The following HDAC4 variants were observed in gnomAD, a reference collection of about 807,000 sequenced individuals.
HDAC4 encodes histone deacetylase 4.
Under a neutral mutation model 135.1 loss-of-function variants are expected in HDAC4, and 16 were observed. That is an observed-to-expected ratio of 0.12 (90% confidence interval 0.08 to 0.18). The LOEUF (loss-of-function observed/expected upper bound fraction) is 0.18, where lower values mean the gene tolerates loss of function less well. Among genes scored for constraint, HDAC4 ranks in the 10% least tolerant of loss-of-function variants. The pLI is 1.00. For synonymous variants in HDAC4, 685 were observed against 653.4 expected, an observed-to-expected ratio of 1.05 and a Z score of -0.74; for missense variants, 1,143 against 1,511.8, an observed-to-expected ratio of 0.76 and a Z score of 4.05.
intron 17 of HDAC4, chr2:239,094,139 C>T (rs751713485): frequency 7.5e-5 from 74 of 985,354 alleles, no homozygotes; most frequent in Non-Finnish European, 8.7e-5. Context: ...CCCGTCCTCC[C>T]TGCCTGTAAC....
intron 7 of HDAC4, among the ~76,000 whole-genome samples, chr2:239,152,778 G>A (rs1013097566): frequency 3.3e-5 from 5 of 152,210 alleles, no homozygotes; most frequent in Non-Finnish European, 4.4e-5. Context: ...GAGGCAAGGA[G>A]GTGGGGGGAT....
At chr2:239,185,656 G>A (rs1454520075) in intron 4 of HDAC4, among the ~76,000 whole-genome samples, 2 of 152,110 alleles carry the variant, frequency 1.3e-5, no homozygotes, top group South Asian at 2.1e-4. Flanking sequence ...CCATGGCTTC[G>A]TGGCCTGTCC....
At chr2:239,324,870 C>T (rs1318149875) in intron 2 of HDAC4, among the ~76,000 whole-genome samples, 5 of 152,194 alleles carry the variant, frequency 3.3e-5, no homozygotes, top group African/African-American at 7.2e-5. Context: ...TTAGGAAGAG[C>T]AGAGTCTACA....
intron 1 of HDAC4, among the ~76,000 whole-genome samples, chr2:239,355,906 CAT>C (rs1308468628): frequency 6.6e-6 from 1 of 152,228 alleles, no homozygotes; most frequent in African/African-American, 2.4e-5. Context: ...TTTCACCTAA[CAT>C]AGTGCTGACA....
At chr2:239,236,532 C>T (rs908278111) in intron 3 of HDAC4, 61 bp downstream of exon 3, 3 of 1,346,064 alleles carry the variant, frequency 2.2e-6, no homozygotes, top group Admixed American at 2.0e-5. Context: ...GGCAGAGCGT[C>T]TGAACACCTC....
chr2:239,199,377 C>G (rs1020455755), intron 3 of HDAC4, among the ~76,000 whole-genome samples: 10 of 152,160 alleles, frequency 6.6e-5, no homozygotes, highest in Admixed American at 5.9e-4. Context: ...CAGAGCTCTT[C>G]GAGTCCCATC....
At chr2:239,201,249 G>A (rs910778201) in intron 3 of HDAC4, among the ~76,000 whole-genome samples, 10 of 152,040 alleles carry the variant, frequency 6.6e-5, no homozygotes, top group African/African-American at 2.4e-4. Flanking sequence ...CTGAAGGAGT[G>A]TTATGGGGAG....
Position 239,170,436 on chromosome 2 carries a change from T to C in HDAC4, c.490+5977A>G, listed in dbSNP as rs78084893. On this transcript the variant is annotated intron_variant, in intron 5 of 26. Coordinates refer to ENST00000543185, the MANE Select transcript of HDAC4 (RefSeq NM_001378414.1). ...GTCCTATTTGGAAAAACTTCAAATCTAGTGCAGATTAATTAAAAGCAAAAT... is the reference window on the plus strand; with the variant it reads ...GTCCTATTTGGAAAAACTTCAAATCCAGTGCAGATTAATTAAAAGCAAAAT... 1.1e-4 allele frequency among the ~76,000 whole-genome samples: 16 copies of C among 152,338 alleles called. No homozygotes were observed. In the East Asian group the frequency reaches 3.1e-3, roughly 29 times the overall value.
At chr2:239,372,046 C>A (rs1485289237) in intron 1 of HDAC4, among the ~76,000 whole-genome samples, 1 of 152,214 alleles carries the variant, frequency 6.6e-6, no homozygotes, top group Non-Finnish European at 1.5e-5. Flanking sequence ...CGGCCAGAGG[C>A]ATCCTCAAGG....
At chr2:239,113,827 CTT>C (rs1338991582) in intron 13 of HDAC4, among the ~76,000 whole-genome samples, 6 of 152,126 alleles carry the variant, frequency 3.9e-5, no homozygotes, top group Admixed American at 6.5e-5. Flanking sequence ...AGGCCCGGGG[CTT>C]TCTCTCTCTG....
At chr2:239,124,686 G>GACATTCTGGTGTGCCGGCGTGTGGCCGCA (rs2040003141) in intron 12 of HDAC4, among the ~76,000 whole-genome samples, 1 of 132,832 alleles carries the variant, frequency 7.5e-6, no homozygotes, top group Non-Finnish European at 1.7e-5. Context: ...GTGTGGCCGC[G>GACATTCTGGTGTGCCGGCGTGTGGCCGCA]TTATATGACA....
intron 1 of HDAC4, among the ~76,000 whole-genome samples, chr2:239,353,259 C>A (rs559394777): frequency 7.2e-5 from 11 of 152,308 alleles, no homozygotes; most frequent in Admixed American, 7.2e-4. Flanking sequence ...AAGTGATCCA[C>A]CCACCTCAGC....
intron 11 of HDAC4, among the ~76,000 whole-genome samples, chr2:239,130,141 C>T (rs987530802): frequency 6.6e-6 from 1 of 152,198 alleles, no homozygotes; most frequent in African/African-American, 2.4e-5. Flanking sequence ...ATCCAACTCA[C>T]AGTTTGCAAT....
intron 1 of HDAC4, among the ~76,000 whole-genome samples, chr2:239,387,721 C>T (rs1435072200): frequency 6.6e-6 from 1 of 152,184 alleles, no homozygotes; most frequent in African/African-American, 2.4e-5. Context: ...GGCACCAGAG[C>T]AGCTGGAACG....
At chr2:239,148,768 C>T (rs947969312) in intron 7 of HDAC4, among the ~76,000 whole-genome samples, 14 of 152,332 alleles carry the variant, frequency 9.2e-5, no homozygotes, top group Admixed American at 2.0e-4. Flanking sequence ...GGAGAGGAGG[C>T]GGGGGCCAGG....
At chr2:239,220,821 G>T (rs1266441452) in intron 3 of HDAC4, among the ~76,000 whole-genome samples, 1 of 152,160 alleles carries the variant, frequency 6.6e-6, no homozygotes, top group Non-Finnish European at 1.5e-5. Context: ...CACTAATATT[G>T]TGAATTTAAA....
chr2:239,107,405 G>A (rs1371632908), intron 15 of HDAC4, among the ~76,000 whole-genome samples: 1 of 152,214 alleles, frequency 6.6e-6, no homozygotes, highest in Admixed American at 6.5e-5. Flanking sequence ...CTGAGGCACA[G>A]CCAGAGCTGC....
At chr2:239,375,643 G>A (rs1300856695) in intron 1 of HDAC4, among the ~76,000 whole-genome samples, 1 of 152,238 alleles carries the variant, frequency 6.6e-6, no homozygotes, top group Non-Finnish European at 1.5e-5. Context: ...GCAGGAGAGG[G>A]TCCTGCCAAC....
At chr2:239,324,371 G>A (rs1249555652) in intron 2 of HDAC4, among the ~76,000 whole-genome samples, 1 of 152,232 alleles carries the variant, frequency 6.6e-6, no homozygotes, top group East Asian at 1.9e-4. Context: ...AGAAAGGCTG[G>A]TGAGAGTGAA....
Sources: gnomAD v4.1 joint callset for allele counts (sites outside exome capture counted in the v4.1 genomes callset) on GRCh38, gnomAD v4.1.1 for gene constraint, MANE v1.5 for transcripts, NCBI Gene and HGNC (gene_info 2026-07-23, HGNC 2026-07-21) for gene names.